The following PSMF1 variants were observed in gnomAD, a reference collection of about 807,000 sequenced individuals.
PSMF1 encodes proteasome inhibitor PI31 subunit.
PSMF1 carries 30 observed loss-of-function variants against 29.3 expected under a neutral mutation model. That is an observed-to-expected ratio of 1.02 (90% confidence interval 0.77 to 1.39). The LOEUF (loss-of-function observed/expected upper bound fraction) is 1.39. PSMF1 is among the 40% of genes most tolerant of loss of function. The probability of loss-of-function intolerance (pLI) is 0.00; values close to 1 mark genes in which losing one functional copy is unlikely to be tolerated. For synonymous variants in PSMF1, 134 were observed against 139.7 expected (o/e 0.96, Z 0.29); for missense variants, 344 against 357.5 (o/e 0.96, Z 0.31).
At chr20:1,123,514 G>A (rs144991144) in intron 1 of PSMF1, among the ~76,000 whole-genome samples, 71 of 151,858 alleles carry the variant, frequency 4.7e-4, no homozygotes, top group South Asian at 2.3e-3. Flanking sequence ...TCATTTTTTG[G>A]GGAACTTTTC....
chr20:1,148,334 C>A (rs2086482389), intron 4 of PSMF1, among the ~76,000 whole-genome samples: 1 of 152,154 alleles, frequency 6.6e-6, no homozygotes, highest in Non-Finnish European at 1.5e-5. Flanking sequence ...TTTTATCCAG[C>A]CTAACTTTTC....
In PSMF1 at chr20:1,169,526, G is replaced by A. The variant is rs967459238; in HGVS notation, c.*4446G>A. On this transcript the variant is annotated 3_prime_UTR_variant, in exon 7 of 7. Transcript: ENST00000335877. ...TGGGTTTAGAGGGACAAGGTAGTGA[G>A]AGGATGCTGCTGACGCATTAGTCCT... Among the ~76,000 whole-genome samples, 2 of 152,332 alleles carry A rather than the reference G, an allele frequency of 1.3e-5. No individual in the cohort carries two copies. Among genetic ancestry groups the A allele is most frequent in the South Asian group, 2.1e-4 (1 of 4,830 alleles).
upstream of PSMF1, among the ~76,000 whole-genome samples, chr20:1,113,786 G>A (rs564195907): frequency 7.2e-4 from 109 of 151,934 alleles, no homozygotes; most frequent in Admixed American, 1.9e-3. Context: ...TCTGCCTCTC[G>A]GGTTCACGCC....
At position 1,156,050 on chromosome 20, in the gene PSMF1, TAGAC is replaced by T. The variant is rs534114921; in HGVS notation, c.552-7077_552-7074del. ...AACAGTCTTGAAATGAATGGAATGATAGACAGGTCAGCAAATAAACAGAAGACCT... is the reference window on the plus strand; with the variant it reads ...AACAGTCTTGAAATGAATGGAATGATAGGTCAGCAAATAAACAGAAGACCT... On this transcript the variant is annotated intron_variant, in intron 4 of 6. Transcript: ENST00000335877. Among the ~76,000 whole-genome samples, 14 of 152,214 alleles carry T rather than the reference TAGAC, an allele frequency of 9.2e-5. No individual in the cohort carries two copies. The East Asian group carries it at 2.1e-3, about 23-fold the overall frequency.
intron 4 of PSMF1, among the ~76,000 whole-genome samples, chr20:1,159,070 AAG>A: frequency 2.2e-5 from 3 of 139,474 alleles, no homozygotes; most frequent in African/African-American, 2.8e-5. Flanking sequence ...AAAAAAAAAA[AAG>A]AAGAAGTAAA....
Position 1,134,544 on chromosome 20 carries a change from A to T in PSMF1, c.366-577A>T, listed in dbSNP as rs114405090. Reference sequence around the variant, plus strand: ...AGCCTGGAGTCCTGCCCACTCTGTTACCTCAGCCTGCCTCCACACCTCAGC... The same window carrying T: ...AGCCTGGAGTCCTGCCCACTCTGTTTCCTCAGCCTGCCTCCACACCTCAGC... On this transcript the variant is annotated intron_variant, in intron 3 of 6. Coordinates refer to ENST00000335877, the MANE Select transcript of PSMF1 (RefSeq NM_006814.5). 5.2e-3 allele frequency among the ~76,000 whole-genome samples: 790 copies of T among 152,166 alleles called. 10 individuals are homozygous for T. The highest frequency in any genetic ancestry group is 0.018 in the African/African-American group (747 of 41,526).
chr20:1,165,918 G>C lies in PSMF1; in HGVS notation c.*838G>C. On this transcript the variant is annotated 3_prime_UTR_variant, in exon 7 of 7. Coordinates refer to ENST00000335877, the MANE Select transcript of PSMF1 (RefSeq NM_006814.5). ...CCTAAGCAAGTTCCTTCTCCTCTTA[G>C]GGCCTTGTGCCAAGCCTATGAAATT... is the stretch of plus-strand genomic sequence containing the variant. The C allele has an allele frequency of 7.6e-7, 1 of 1,315,084 alleles. No homozygotes were observed. Among genetic ancestry groups the C allele is most frequent in the Non-Finnish European group, 9.7e-7 (1 of 1,025,750 alleles). The allele number at this position is 1,315,084 out of a possible 1,614,324, so 81.5% of individuals were successfully genotyped here.
chr20:1,121,273 G>A (rs944458430), intron 1 of PSMF1, among the ~76,000 whole-genome samples: 7 of 152,188 alleles, frequency 4.6e-5, no homozygotes, highest in Admixed American at 4.6e-4. Context: ...GGAGCCTGGG[G>A]AATTAGGTTT....
At chr20:1,145,412 C>T (rs893283330) in intron 4 of PSMF1, among the ~76,000 whole-genome samples, 5 of 152,138 alleles carry the variant, frequency 3.3e-5, no homozygotes, top group African/African-American at 9.7e-5. Context: ...GAATCTGAGC[C>T]TTACCTGAAG....
intron 1 of PSMF1, among the ~76,000 whole-genome samples, chr20:1,123,342 C>T (rs1464888725): frequency 6.6e-6 from 1 of 152,160 alleles, no homozygotes; most frequent in Non-Finnish European, 1.5e-5. Context: ...CCATTTTCTT[C>T]ATCTCCGGTC....
intron 3 of PSMF1, among the ~76,000 whole-genome samples, chr20:1,129,115 G>A (rs1007267325): frequency 2.6e-5 from 4 of 151,708 alleles, no homozygotes; most frequent in Non-Finnish European, 4.4e-5. Context: ...TCCTGACCTC[G>A]TGATCCACCT....
rs1014168089 is a variant in PSMF1 at position 1,118,642 on chromosome 20, G to T, written c.-132G>T. 2.7e-6 allele frequency: 3 copies of T among 1,126,224 alleles called. No individual in the cohort carries two copies. Among genetic ancestry groups the T allele is most frequent in the Admixed American group, 2.9e-5 (1 of 34,474 alleles). The allele number at this position is 1,126,224 out of a possible 1,614,324, so 69.8% of individuals were successfully genotyped here. A position where few individuals can be genotyped will look rare whatever the true frequency, so the allele number is the denominator to read the frequency against. ...CCCCGTCCCCGGGCGTCTCCATTTT[G>T]GTCTCAGGTGTGGACTCGGCAAGAA... On this transcript the variant is annotated 5_prime_UTR_variant, in exon 1 of 7. Transcript: ENST00000335877.
rs1790100881 is a variant in PSMF1, at chr20:1,171,600, C to T, written c.*6520C>T. ...TGAGTGACAAAAATATGCAGGACCC[C>T]TTCTTTCCCCCTCCCAGTTCCCGCA... On this transcript the variant is annotated 3_prime_UTR_variant, in exon 7 of 7. Transcript: ENST00000335877. Among the ~76,000 whole-genome samples the T allele has an allele frequency of 2.6e-5, 4 of 152,210 alleles. No homozygotes were observed. The highest frequency in any genetic ancestry group is 2.6e-4 in the Admixed American group (4 of 15,288).
rs1016420572 is a variant in PSMF1 at position 1,165,272 on chromosome 20, G to A, written c.*192G>A. The A allele has an allele frequency of 7.0e-7, 1 of 1,422,756 alleles. No homozygotes were observed. Among genetic ancestry groups the A allele is most frequent in the South Asian group, 1.5e-5 (1 of 65,148 alleles). The allele number at this position is 1,422,756 out of a possible 1,614,324, so 88.1% of individuals were successfully genotyped here. On this transcript the variant is annotated 3_prime_UTR_variant, in exon 7 of 7. Coordinates refer to ENST00000335877, the MANE Select transcript of PSMF1 (RefSeq NM_006814.5). ...TGCTGCAGCTCTCCACCTAGCTGCA[G>A]ATAGCTCCCAAAGAGAAATCAGTGT...
chr20:1,153,737 A>G (rs956013508), intron 4 of PSMF1, among the ~76,000 whole-genome samples: 3 of 152,144 alleles, frequency 2.0e-5, no homozygotes, highest in South Asian at 2.1e-4. Context: ...TACTACATCA[A>G]CTCAGTCTAA....
Position 1,170,926 on chromosome 20 carries a change from A to G in PSMF1, c.*5846A>G, listed in dbSNP as rs2086783861. Among the ~76,000 whole-genome samples, 1 of 151,976 alleles carries G rather than the reference A, an allele frequency of 6.6e-6. No homozygotes were observed. On this transcript the variant is annotated 3_prime_UTR_variant, in exon 7 of 7. Coordinates refer to ENST00000335877, the MANE Select transcript of PSMF1 (RefSeq NM_006814.5). The stretch of plus-strand genomic sequence containing the variant: ...TACCCCTGACAACCCCAAGGTAAAC[A>G]CAGCTAGTGGCATTAGTTGAGATGC...
chr20:1,133,566 T>TAC (rs1568469012), intron 3 of PSMF1, among the ~76,000 whole-genome samples: 2 of 89,530 alleles, frequency 2.2e-5, no homozygotes, highest in African/African-American at 8.9e-5. Context: ...TATATATATA[T>TAC]ATATTTTTTT....
upstream of PSMF1, among the ~76,000 whole-genome samples, chr20:1,114,678 G>A (rs1313019642): frequency 9.4e-5 from 1 of 10,594 alleles, no homozygotes; most frequent in Admixed American, 8.5e-4. Flanking sequence ...TGGGGGTGAC[G>A]GAGCTGTCTG....
At chr20:1,130,730 A>G (rs1394104139) in intron 3 of PSMF1, among the ~76,000 whole-genome samples, 1 of 152,118 alleles carries the variant, frequency 6.6e-6, no homozygotes, top group Non-Finnish European at 1.5e-5. Context: ...AGCAGCCTCA[A>G]CCTACTGGGC....
Sources: gnomAD v4.1 joint callset for allele counts (sites outside exome capture counted in the v4.1 genomes callset) on GRCh38, gnomAD v4.1.1 for gene constraint, MANE v1.5 for transcripts, NCBI Gene and HGNC (gene_info 2026-07-23, HGNC 2026-07-21) for gene names.